CAGE1: variants seen among roughly 807,000 people sequenced by gnomAD.
The protein encoded by CAGE1 is cancer-associated gene 1 protein.
Under a neutral mutation model 94.9 loss-of-function variants are expected in CAGE1, and 66 were observed. That is an observed-to-expected ratio of 0.70 (90% CI 0.57 to 0.85). CAGE1 has a LOEUF of 0.85. Among genes scored for constraint, CAGE1 ranks in the 40% least tolerant of loss-of-function variants. The probability of loss-of-function intolerance (pLI) is 0.00; values close to 1 mark genes in which losing one functional copy is unlikely to be tolerated. For missense variants in CAGE1, 865 were observed against 950.4 expected (o/e 0.91, Z 1.18); for synonymous variants, 319 against 321.0 (o/e 0.99, Z 0.07).
Position 7,389,316 on chromosome 6 carries a change from C to T in CAGE1, c.-138G>A, listed in dbSNP as rs3812164. 6 of 456,296 alleles carry T rather than the reference C, an allele frequency of 1.3e-5. 1 individual carries two copies. Among genetic ancestry groups the T allele is most frequent in the Middle Eastern group, 3.3e-4 (1 of 3,076 alleles). The allele number at this position is 456,296 out of a possible 1,614,324, so 28.3% of individuals were successfully genotyped here. On this transcript the variant is annotated 5_prime_UTR_variant, in exon 1 of 14. Coordinates refer to ENST00000502583, the MANE Select transcript of CAGE1 (RefSeq NM_001170692.2). ...TCCATAGTTTCTTGGACCCACGCTA[C>T]GGACCTGGCTCTCCCTCCCTCTGCA...
At position 7,378,768 on chromosome 6, in the gene CAGE1, C is replaced by G. The variant is rs1353064687; in HGVS notation, c.536G>C (p.Gly179Ala). ...TSVSANTDQL[G>A]NEYFRQPPPR... ...AGGAGGCTGTCTAAAATACTCGTTA[C>G]CAAGTTGGTCTGTATTTGCAGAAAC... Residue 179 changes from glycine to alanine, a missense_variant, in exon 4 of 14, where the codon GGT becomes GCT. Transcript: ENST00000502583. 2 of 1,613,934 alleles carry G rather than the reference C, an allele frequency of 1.2e-6. No homozygotes were observed. The highest frequency in any genetic ancestry group is 2.2e-5 in the East Asian group (1 of 44,882).
At position 7,339,223 on chromosome 6, in the gene CAGE1, G is replaced by T; in HGVS notation, c.2370-5133C>A. The T allele has an allele frequency of 6.4e-7, 1 of 1,571,562 alleles. No individual in the cohort carries two copies. The highest frequency in any genetic ancestry group is 1.1e-5 in the South Asian group (1 of 90,134). ...CGCGACACACCATAGCAGGCCCTCC[G>T]CACAGCAAGCCCTCCTAGGAGTTTG... On this transcript the variant is annotated intron_variant, in intron 11 of 13. Coordinates refer to ENST00000502583, the MANE Select transcript of CAGE1 (RefSeq NM_001170692.2). The surrounding 1 kb of genome is among the most constrained non-coding windows in gnomAD (Gnocchi z 4.7).
chr6:7,386,863 T>G (rs1472342241), intron 2 of CAGE1, 116 bp downstream of exon 2: 1 of 740,098 alleles, frequency 1.4e-6, no homozygotes, highest in Non-Finnish European at 2.2e-6. Flanking sequence ...CCCTCCTTTA[T>G]GTGTCCACCG....
intron 11 of CAGE1, chr6:7,340,975 G>A (rs1759149116): frequency 2.3e-6 from 1 of 440,202 alleles, no homozygotes; most frequent in Non-Finnish European, 4.5e-6. Context: ...GATAACAACA[G>A]CTTGTTGTCC....
At chr6:7,369,895 T>C (rs1293582567) in intron 6 of CAGE1, 24 bp downstream of exon 6, 3 of 1,579,240 alleles carry the variant, frequency 1.9e-6, no homozygotes. Flanking sequence ...CCTACTAAAA[T>C]ATCTAATATA....
At position 7,339,590 on chromosome 6, in the gene CAGE1, A is replaced by C; in HGVS notation, c.2370-5500T>G. On this transcript the variant is annotated intron_variant, in intron 11 of 13. Coordinates refer to ENST00000502583, the MANE Select transcript of CAGE1 (RefSeq NM_001170692.2). This position sits in a 1 kb window ranked among gnomAD's most constrained non-coding sequence, Gnocchi z 4.7. ...CGATCTTGCCGCCATGCTCCGCTGA[A>C]AGGAAAGGCACTGTATCATTCTTAT... 1 of 730,860 alleles carries C rather than the reference A, an allele frequency of 1.4e-6. No homozygotes were observed. The highest frequency in any genetic ancestry group is 1.5e-5 in the South Asian group (1 of 68,266). 45.3% of individuals were successfully genotyped at this position (730,860 alleles called of 1,614,324 possible).
chr6:7,346,400 A>G (rs1759538661), intron 11 of CAGE1, among the ~76,000 whole-genome samples: 1 of 151,574 alleles, frequency 6.6e-6, no homozygotes, highest in African/African-American at 2.4e-5. Context: ...AAAATAAATA[A>G]AAGTCACGCA....
In CAGE1 at chr6:7,374,590, G is replaced by A. The variant is rs181036687; in HGVS notation, c.688-459C>T. On this transcript the variant is annotated intron_variant, in intron 4 of 13. Transcript: ENST00000502583. ...GCCAAAAGTTTGGATTTTTAGGGGG[G>A]AAAGTTCTCTTCTCTTTTGAATATT... Among the ~76,000 whole-genome samples the A allele has an allele frequency of 2.0e-5, 3 of 151,820 alleles. 1 individual carries two copies. The South Asian group carries it at 6.2e-4, about 31-fold the overall frequency.
chr6:7,370,971 T>A (rs1760520155), intron 5 of CAGE1, among the ~76,000 whole-genome samples: 3 of 152,198 alleles, frequency 2.0e-5, no homozygotes. Flanking sequence ...TTAGAGAAAT[T>A]GATTAATCAA....
rs79869625 is a variant in CAGE1 at position 7,343,519 on chromosome 6, A to G, written c.2370-9429T>C. 2.5e-3 allele frequency among the ~76,000 whole-genome samples: 382 copies of G among 152,310 alleles called. 1 individual carries two copies. The highest frequency in any genetic ancestry group is 8.9e-3 in the African/African-American group (369 of 41,568). On this transcript the variant is annotated intron_variant, in intron 11 of 13. Coordinates refer to ENST00000502583, the MANE Select transcript of CAGE1 (RefSeq NM_001170692.2). ...TTGATATGGTTTTGCATGGAAAAAC[A>G]TTTACAGGGGCTTCATGTGGGTAGA...
At chr6:7,359,051 C>G (rs928786653) in intron 9 of CAGE1, among the ~76,000 whole-genome samples, 2 of 147,260 alleles carry the variant, frequency 1.4e-5, no homozygotes, top group African/African-American at 4.9e-5. Flanking sequence ...TAATTTGCAT[C>G]TTTTTTTTTT....
intron 11 of CAGE1, among the ~76,000 whole-genome samples, chr6:7,346,773 C>A (rs1442678638): frequency 2.0e-5 from 3 of 150,594 alleles, no homozygotes; most frequent in East Asian, 4.0e-4. Context: ...TTGCTTGAGC[C>A]TGGGAGGCAG....
chr6:7,347,720 T>C (rs1050836626), intron 11 of CAGE1, among the ~76,000 whole-genome samples: 1 of 151,808 alleles, frequency 6.6e-6, no homozygotes, highest in Non-Finnish European at 1.5e-5. Flanking sequence ...GGAAACAGAC[T>C]GTAAAAGGGG....
intron 11 of CAGE1, among the ~76,000 whole-genome samples, chr6:7,335,165 C>T (rs940129823): frequency 1.3e-5 from 2 of 152,156 alleles, no homozygotes; most frequent in African/African-American, 4.8e-5. Flanking sequence ...CTCTGCCTCC[C>T]CCCTCTTATA....
At chr6:7,365,305 A>C (rs1320139170) in intron 9 of CAGE1, among the ~76,000 whole-genome samples, 163 bp downstream of exon 9, 1 of 152,238 alleles carries the variant, frequency 6.6e-6, no homozygotes. Flanking sequence ...CCCAAAATGC[A>C]AACTTCGATT....
rs544157535 is a variant in CAGE1, at chr6:7,385,730, G to A, written c.283+55C>T. On this transcript the variant is annotated intron_variant, in intron 3 of 13. Transcript: ENST00000502583. ...AAAACCTGGCTATTGTTACTATCAC[G>A]GAACACAAAAAAAAGTTTCTCTCTT... is the stretch of plus-strand genomic sequence containing the variant. 1.7e-3 allele frequency: 1,856 copies of A among 1,060,748 alleles called. 3 individuals carry two copies. The highest frequency in any genetic ancestry group is 2.1e-3 in the Non-Finnish European group (1,592 of 741,204). 65.7% of individuals were successfully genotyped at this position (1,060,748 alleles called of 1,614,324 possible).
At chr6:7,363,689 G>A (rs867042326) in intron 9 of CAGE1, among the ~76,000 whole-genome samples, 3 of 152,188 alleles carry the variant, frequency 2.0e-5, no homozygotes, top group Non-Finnish European at 4.4e-5. Flanking sequence ...GGAGGGTGTT[G>A]TGTGCTTCCT....
chr6:7,379,201 T>C (rs541193038), intron 3 of CAGE1, among the ~76,000 whole-genome samples, 181 bp from the exon 4 acceptor site: 4 of 152,214 alleles, frequency 2.6e-5, no homozygotes, highest in Non-Finnish European at 5.9e-5. Context: ...CAAAACTTTT[T>C]ACATGGGGGA....
intron 12 of CAGE1, among the ~76,000 whole-genome samples, chr6:7,330,556 C>T (rs1475479782): frequency 6.6e-6 from 1 of 152,178 alleles, no homozygotes; most frequent in Non-Finnish European, 1.5e-5. Flanking sequence ...TTCAGATACT[C>T]GCTTTTGTAT....
Sources: gnomAD v4.1 joint callset for allele counts (sites outside exome capture counted in the v4.1 genomes callset) on GRCh38, gnomAD v4.1.1 for gene constraint, Gnocchi (gnomAD v3.1) non-coding constraint, MANE v1.5 for transcripts, NCBI Gene and HGNC (gene_info 2026-07-23, HGNC 2026-07-21) for gene names.